TNIK: variants seen among roughly 807,000 people sequenced by gnomAD.
TNIK encodes the protein TRAF2 and NCK-interacting protein kinase.
A neutral mutation model predicts 191.3 loss-of-function variants in TNIK; 49 were observed. The observed-to-expected ratio is 0.26, with a 90% confidence interval of 0.20 to 0.32. The LOEUF (loss-of-function observed/expected upper bound fraction) is 0.32, where lower values mean the gene tolerates loss of function less well. Among genes scored for constraint, TNIK ranks in the 10% least tolerant of loss-of-function variants. TNIK has a pLI of 1.00. For synonymous variants in TNIK, 594 were observed against 600.9 expected, an observed-to-expected ratio of 0.99 and a Z score of 0.17; for missense variants, 1,155 against 1,702.3, an observed-to-expected ratio of 0.68 and a Z score of 5.66.
At chr3:171,132,247 A>G (rs978319276) in intron 15 of TNIK, among the ~76,000 whole-genome samples, 1 of 152,266 alleles carries the variant, frequency 6.6e-6, no homozygotes, top group Non-Finnish European at 1.5e-5. Context: ...TCAGAAATAC[A>G]GAGAAGGTTA....
intron 2 of TNIK, among the ~76,000 whole-genome samples, chr3:171,274,574 G>C (rs918851453): frequency 2.0e-5 from 3 of 152,186 alleles, no homozygotes; most frequent in African/African-American, 7.2e-5. Context: ...AGCAGCCTGA[G>C]TTTCAAGTAA....
chr3:171,175,768 G>C (rs1318301042), intron 8 of TNIK, among the ~76,000 whole-genome samples: 1 of 152,074 alleles, frequency 6.6e-6, no homozygotes, highest in East Asian at 1.9e-4. Context: ...CACGTCGACA[G>C]CTCATCCAAA....
chr3:171,392,887 T>C (rs1719750768), intron 1 of TNIK, among the ~76,000 whole-genome samples: 1 of 152,012 alleles, frequency 6.6e-6, no homozygotes, highest in Non-Finnish European at 1.5e-5. Flanking sequence ...TCAACTATTT[T>C]CTGGGCAAAA....
rs563802125 is a variant in TNIK, at chr3:171,340,028, G to A, written c.123+29592C>T. On this transcript the variant is annotated intron_variant, in intron 2 of 32. Transcript: ENST00000436636. ...AGATATAACAGCAAGAAATTGGAAT[G>A]CATGATAAAACTGTCATGTAAAGGA... Among the ~76,000 whole-genome samples the A allele has an allele frequency of 9.2e-5, 14 of 152,202 alleles. No homozygotes were observed. In the East Asian group the frequency reaches 2.7e-3, roughly 29 times the overall value.
intron 10 of TNIK, among the ~76,000 whole-genome samples, chr3:171,161,828 G>A (rs1170525159): frequency 6.6e-6 from 1 of 152,110 alleles, no homozygotes; most frequent in Non-Finnish European, 1.5e-5. Context: ...GCTGAGGCAG[G>A]AGAATGGCGC....
Position 171,188,849 on chromosome 3 carries a change from A to G in TNIK, c.509-17T>C, listed in dbSNP as rs757715091. 3 of 1,611,558 alleles carry G rather than the reference A, an allele frequency of 1.9e-6. No homozygotes were observed. Among genetic ancestry groups the G allele is most frequent in the Non-Finnish European group, 2.5e-6 (3 of 1,178,590 alleles). On this transcript the variant is annotated splice_polypyrimidine_tract_variant and intron_variant, in intron 6 of 32. Transcript: ENST00000436636. ...CAAAGTCCACTATTTAAGAAAAGAC[A>G]AGTAAATAAAGTCTGTGATCATAGG...
intron 21 of TNIK, among the ~76,000 whole-genome samples, chr3:171,105,634 G>GC (rs1387789091): frequency 1.3e-5 from 2 of 151,982 alleles, no homozygotes; most frequent in Non-Finnish European, 2.9e-5. Context: ...TACCTCCATT[G>GC]CCCCCTCTCA....
chr3:171,139,219 T>C (rs1730436463), intron 14 of TNIK, among the ~76,000 whole-genome samples: 1 of 152,092 alleles, frequency 6.6e-6, no homozygotes, highest in East Asian at 1.9e-4. Context: ...TACAAATAAA[T>C]GGAGTTAATA....
chr3:171,304,192 C>T (rs1753170535), intron 2 of TNIK, among the ~76,000 whole-genome samples: 1 of 152,096 alleles, frequency 6.6e-6, no homozygotes, highest in Non-Finnish European at 1.5e-5. Context: ...ATGCCTGCTG[C>T]TAGGTCAGCA....
chr3:171,179,711 A>G (rs749819957), intron 7 of TNIK, among the ~76,000 whole-genome samples: 11 of 152,074 alleles, frequency 7.2e-5, no homozygotes, highest in Non-Finnish European at 2.9e-5. Context: ...CAGCCTCCCA[A>G]AGTGCTGGGA....
chr3:171,105,905 C>T (rs1200445770), intron 21 of TNIK, among the ~76,000 whole-genome samples: 1 of 152,152 alleles, frequency 6.6e-6, no homozygotes, highest in African/African-American at 2.4e-5. Flanking sequence ...TAATCCCTGC[C>T]CTTCTCACTA....
chr3:171,274,326 T>C (rs564807191), intron 2 of TNIK, among the ~76,000 whole-genome samples: 12 of 152,294 alleles, frequency 7.9e-5, no homozygotes, highest in African/African-American at 2.6e-4. Flanking sequence ...ATACAATTTA[T>C]TGTCAGAGTT....
intron 2 of TNIK, among the ~76,000 whole-genome samples, chr3:171,324,368 C>CTAAACAA (rs1368751786): frequency 2.6e-5 from 4 of 152,072 alleles, no homozygotes; most frequent in African/African-American, 9.7e-5. Flanking sequence ...TCATAGAGAA[C>CTAAACAA]TAAACAAGCA....
At chr3:171,326,545 T>TCAAA (rs955475174) in intron 2 of TNIK, among the ~76,000 whole-genome samples, 38 of 152,320 alleles carry the variant, frequency 2.5e-4, no homozygotes, top group African/African-American at 9.1e-4. Flanking sequence ...CCAGTGATTC[T>TCAAA]CAAACATTGG....
chr3:171,128,876 T>C lies in TNIK; in HGVS notation c.1611A>G (p.Val537=), dbSNP rs1403732161. ...PSEKPAWAKE[V]EERSRLNRQS... ...GCCGGTTGAGCCTTGACCGTTCTTC[T>C]ACCTACAACCCAAAAAAAAAAAAAA... is the stretch of plus-strand genomic sequence containing the variant. Residue 537 remains valine, a splice_region_variant and synonymous_variant, in exon 16 of 33, where the codon GTA becomes GTG. Transcript: ENST00000436636. 2 of 1,276,686 alleles carry C rather than the reference T, an allele frequency of 1.6e-6. No homozygotes were observed. Among genetic ancestry groups the C allele is most frequent in the Non-Finnish European group, 2.1e-6 (2 of 964,318 alleles). 79.1% of individuals were successfully genotyped at this position (1,276,686 alleles called of 1,614,324 possible).
intron 3 of TNIK, among the ~76,000 whole-genome samples, chr3:171,219,539 T>G (rs759651374): frequency 1.3e-5 from 2 of 151,700 alleles, no homozygotes; most frequent in Non-Finnish European, 2.9e-5. Context: ...AGGCTTCAAA[T>G]GAGAAAGAAC....
At chr3:171,434,467 A>T (rs145716587) in intron 1 of TNIK, among the ~76,000 whole-genome samples, 239 of 103,052 alleles carry the variant, frequency 2.3e-3, no homozygotes, top group East Asian at 0.011. Context: ...TTATTTATTT[A>T]TTTTTTTTGA....
At chr3:171,364,872 T>C (rs1276023128) in intron 2 of TNIK, among the ~76,000 whole-genome samples, 1 of 152,086 alleles carries the variant, frequency 6.6e-6, no homozygotes, top group Non-Finnish European at 1.5e-5. Flanking sequence ...GAGGGAACTA[T>C]GACTTTAAAG....
chr3:171,107,917 G>T, intron 20 of TNIK, 148 bp downstream of exon 20: 1 of 720,994 alleles, frequency 1.4e-6, no homozygotes, highest in Non-Finnish European at 2.2e-6. Context: ...TCCTAATCAG[G>T]TATGACTTTC....
Sources: gnomAD v4.1 joint callset for allele counts (sites outside exome capture counted in the v4.1 genomes callset) on GRCh38, gnomAD v4.1.1 for gene constraint, MANE v1.5 for transcripts, NCBI Gene and HGNC (gene_info 2026-07-23, HGNC 2026-07-21) for gene names.